Variants in ZNF420 observed in about 807,000 individuals in gnomAD.
ZNF420 encodes the protein zinc finger protein 420.
Under a neutral mutation model 44.7 loss-of-function variants are expected in ZNF420, and 31 were observed. That is an observed-to-expected ratio of 0.69 (90% CI 0.52 to 0.94). The LOEUF is 0.94. Ranked by LOEUF, ZNF420 falls within the 40% of genes least tolerant of loss-of-function variation. The probability of loss-of-function intolerance (pLI) is 0.00; values close to 1 mark genes in which losing one functional copy is unlikely to be tolerated. For synonymous variants in ZNF420, 245 were observed against 267.4 expected, an observed-to-expected ratio of 0.92 and a Z score of 0.82; for missense variants, 681 against 827.9, an observed-to-expected ratio of 0.82 and a Z score of 2.18.
chr19:37,074,378 A>C (rs1452315411), upstream of ZNF420, among the ~76,000 whole-genome samples: 1 of 152,222 alleles, frequency 6.6e-6, no homozygotes, highest in Non-Finnish European at 1.5e-5. Context: ...CCTAATTATG[A>C]CAGAGCAATC....
intron 1 of ZNF420, among the ~76,000 whole-genome samples, chr19:37,038,541 T>A (rs761786272): frequency 1.6e-4 from 24 of 152,364 alleles, no homozygotes; most frequent in Non-Finnish European, 3.1e-4. Flanking sequence ...TTATGGAATA[T>A]TGTAAGTCCT....
intron 4 of ZNF420, among the ~76,000 whole-genome samples, chr19:37,120,686 C>T (rs1470484677): frequency 1.3e-5 from 2 of 152,118 alleles, no homozygotes; most frequent in Non-Finnish European, 2.9e-5. Flanking sequence ...GTCAAATTGT[C>T]CCTGTTTGCA....
chr19:37,124,848 T>C lies in ZNF420; in HGVS notation c.137-2280T>C, dbSNP rs188348237. ...ACACCCAGCTGATTTTGTATTTTGT[T>C]TTTTTTGAGATGAAGTCTTGCACTG... On this transcript the variant is annotated intron_variant, in intron 4 of 4. Coordinates refer to ENST00000337995, the MANE Select transcript of ZNF420 (RefSeq NM_144689.5). 3.4e-3 allele frequency among the ~76,000 whole-genome samples: 520 copies of C among 152,030 alleles called. 3 individuals are homozygous for C. The highest frequency in any genetic ancestry group is 0.011 in the South Asian group (51 of 4,798).
rs545964943 is a variant in ZNF420, at chr19:37,059,794, T to TTC, written c.-124-20534_-124-20533dup. On this transcript the variant is annotated intron_variant, in intron 1 of 4. Coordinates refer to the ZNF420 transcript ENST00000587029. ...ATGCCACTGCTCTGTCTCTGTCTCT[T>TTC]TCTCTCTCTCTCTCTCTCACTCTAT... Among the ~76,000 whole-genome samples, 1,047 of 149,538 alleles carry TTC rather than the reference T, an allele frequency of 7.0e-3. 4 individuals are homozygous for TTC. The highest frequency in any genetic ancestry group is 0.014 in the South Asian group (67 of 4,698).
chr19:37,047,088 C>G lies in ZNF420; in HGVS notation c.-124-33257C>G, dbSNP rs1426870240. Among the ~76,000 whole-genome samples, 12 of 151,348 alleles carry G rather than the reference C, an allele frequency of 7.9e-5. 1 individual carries two copies. The highest frequency in any genetic ancestry group is 1.6e-4 in the Non-Finnish European group (11 of 67,752). ...AGGATGAAATAGGAGCCAATGTATG[C>G]TATGAGCCAACGATTATGATTTATC... is the stretch of plus-strand genomic sequence containing the variant. On this transcript the variant is annotated intron_variant, in intron 1 of 4. Transcript: ENST00000587029.
chr19:37,012,050 C>T (rs1394313579), intron 1 of ZNF420, among the ~76,000 whole-genome samples: 1 of 152,210 alleles, frequency 6.6e-6, no homozygotes, highest in Non-Finnish European at 1.5e-5. Context: ...GAGGTGAGCT[C>T]ATCCCTGCTT....
intron 1 of ZNF420, among the ~76,000 whole-genome samples, chr19:37,072,460 T>C (rs1482734676): frequency 6.6e-6 from 1 of 152,240 alleles, no homozygotes; most frequent in East Asian, 1.9e-4. Context: ...CTCCAGATTG[T>C]AAATTTTAAT....
chr19:37,066,920 G>C (rs186925773), intron 1 of ZNF420, among the ~76,000 whole-genome samples: 1 of 152,264 alleles, frequency 6.6e-6, no homozygotes, highest in East Asian at 1.9e-4. Flanking sequence ...TGAATAAACT[G>C]TGATACAATC....
At chr19:37,067,576 G>A (rs1335403179) in intron 1 of ZNF420, among the ~76,000 whole-genome samples, 1 of 152,102 alleles carries the variant, frequency 6.6e-6, no homozygotes, top group Non-Finnish European at 1.5e-5. Flanking sequence ...TTCATAAAAT[G>A]GTGAAAATAC....
Position 37,128,510 on chromosome 19 carries a change from G to A in ZNF420, c.1519G>A (p.Glu507Lys). ...HTGEKPYECK[E>K]CRMAFTQSSH... The stretch of plus-strand genomic sequence containing the variant: ...TGGTGAGAAACCTTATGAATGTAAA[G>A]AATGTAGAATGGCCTTTACTCAGAG... Residue 507 changes from glutamate to lysine, a missense_variant, in exon 5 of 5, where the codon GAA becomes AAA. Transcript: ENST00000337995. The A allele has an allele frequency of 6.2e-7, 1 of 1,614,026 alleles. No individual in the cohort carries two copies. The highest frequency in any genetic ancestry group is 1.3e-5 in the African/African-American group (1 of 75,004).
intron 4 of ZNF420, among the ~76,000 whole-genome samples, chr19:37,097,440 T>TA (rs111949301): frequency 5.9e-5 from 9 of 152,204 alleles, no homozygotes; most frequent in African/African-American, 1.4e-4. Context: ...TTTGTACCTT[T>TA]AAAAAAAGGC....
intron 1 of ZNF420, among the ~76,000 whole-genome samples, chr19:37,054,507 C>T (rs1051032369): frequency 6.6e-6 from 1 of 152,192 alleles, no homozygotes; most frequent in Non-Finnish European, 1.5e-5. Context: ...CTCCACCGAA[C>T]AAATTTTTAT....
At chr19:37,057,989 A>T (rs1967790337) in intron 1 of ZNF420, among the ~76,000 whole-genome samples, 2 of 151,988 alleles carry the variant, frequency 1.3e-5, no homozygotes, top group African/African-American at 4.8e-5. Flanking sequence ...CACCCATTTG[A>T]CACTCCTTCC....
intron 4 of ZNF420, chr19:37,091,330 A>G (rs1028538351): frequency 5.6e-6 from 2 of 357,756 alleles, no homozygotes; most frequent in Non-Finnish European, 9.9e-6. Context: ...TTCTAATACC[A>G]TCTTCCCTGA....
At chr19:37,065,490 G>C (rs2146447012) in intron 1 of ZNF420, among the ~76,000 whole-genome samples, 1 of 152,352 alleles carries the variant, frequency 6.6e-6, no homozygotes, top group East Asian at 1.9e-4. Context: ...GATGGAGGAA[G>C]GGGGCCGTGA....
At chr19:37,012,292 G>A (rs1163495262) in intron 1 of ZNF420, among the ~76,000 whole-genome samples, 1 of 152,262 alleles carries the variant, frequency 6.6e-6, no homozygotes, top group Non-Finnish European at 1.5e-5. Flanking sequence ...GCCGCAGCCT[G>A]ACTTCCAGGA....
At chr19:37,061,237 T>C (rs1967874457) in intron 1 of ZNF420, among the ~76,000 whole-genome samples, 1 of 152,198 alleles carries the variant, frequency 6.6e-6, no homozygotes, top group African/African-American at 2.4e-5. Flanking sequence ...TTTGCCCCTT[T>C]CCCTGTTTGC....
chr19:37,062,163 T>G (rs1033736478), intron 1 of ZNF420, among the ~76,000 whole-genome samples: 1 of 152,234 alleles, frequency 6.6e-6, no homozygotes, highest in African/African-American at 2.4e-5. Flanking sequence ...AGTTGTGTGT[T>G]TGTTTTCTCC....
At chr19:37,058,433 T>G (rs1967798730) in intron 1 of ZNF420, among the ~76,000 whole-genome samples, 1 of 152,134 alleles carries the variant, frequency 6.6e-6, no homozygotes, top group Non-Finnish European at 1.5e-5. Flanking sequence ...TGCTTCTGGA[T>G]GGACTGCCTC....
Sources: gnomAD v4.1 joint callset for allele counts (sites outside exome capture counted in the v4.1 genomes callset) on GRCh38, gnomAD v4.1.1 for gene constraint, MANE v1.5 for transcripts, NCBI Gene and HGNC (gene_info 2026-07-23, HGNC 2026-07-21) for gene names.